Variants in POT1 observed in about 807,000 individuals in gnomAD.
The protein encoded by POT1 is protection of telomeres protein 1.
POT1 carries 47 observed loss-of-function variants against 78.5 expected under a neutral mutation model. That is an observed-to-expected ratio of 0.60 (90% CI 0.47 to 0.76). The LOEUF (loss-of-function observed/expected upper bound fraction) is 0.76. Ranked by LOEUF, POT1 falls within the 30% of genes least tolerant of loss-of-function variation. The pLI is 0.00. For synonymous variants in POT1, 259 were observed against 260.7 expected (o/e 0.99, Z 0.06); for missense variants, 646 against 749.9 (o/e 0.86, Z 1.62).
chr7:124,890,041 C>T (rs6956499), intron 6 of POT1, among the ~76,000 whole-genome samples: 1 of 151,734 alleles, frequency 6.6e-6, no homozygotes, highest in East Asian at 1.9e-4. Context: ...TGATGGACTG[C>T]GGCAAAGTAA....
At chr7:124,918,865 C>G (rs1797079810) in intron 2 of POT1, among the ~76,000 whole-genome samples, 1 of 152,248 alleles carries the variant, frequency 6.6e-6, no homozygotes, top group Non-Finnish European at 1.5e-5. Flanking sequence ...CAGCCTTCCT[C>G]TCTGAGAGTA....
intron 12 of POT1, among the ~76,000 whole-genome samples, chr7:124,844,980 TTATC>T (rs1406486031): frequency 6.6e-6 from 1 of 152,166 alleles, no homozygotes; most frequent in Non-Finnish European, 1.5e-5. Flanking sequence ...GTGCCTGTCT[TTATC>T]TGTCTCTCAC....
intron 6 of POT1, among the ~76,000 whole-genome samples, chr7:124,884,954 ATG>A (rs1455859921): frequency 3.3e-5 from 5 of 150,266 alleles, no homozygotes; most frequent in Admixed American, 2.0e-4. Context: ...ATTCCCTTAT[ATG>A]TGTTATCTAG....
intron 14 of POT1, among the ~76,000 whole-genome samples, chr7:124,835,697 G>A (rs1164749881): frequency 6.6e-6 from 1 of 151,950 alleles, no homozygotes; most frequent in African/African-American, 2.4e-5. Context: ...GAACACTTTG[G>A]TTCAAATAAC....
At chr7:124,828,718 AAGAAT>A (rs1233177144) in intron 16 of POT1, among the ~76,000 whole-genome samples, 4 of 152,184 alleles carry the variant, frequency 2.6e-5, no homozygotes, top group Non-Finnish European at 5.9e-5. Context: ...AAATTACATT[AAGAAT>A]AGAATGAGAA....
intron 6 of POT1, among the ~76,000 whole-genome samples, chr7:124,877,971 A>G (rs953828803): frequency 3.3e-5 from 5 of 151,922 alleles, no homozygotes; most frequent in African/African-American, 4.8e-5. Context: ...CATGGAATCT[A>G]AAAAAGTCAA....
intron 3 of POT1, among the ~76,000 whole-genome samples, chr7:124,909,992 C>T (rs1796853684): frequency 6.6e-6 from 1 of 151,618 alleles, no homozygotes; most frequent in South Asian, 2.1e-4. Context: ...AATAAAGCAA[C>T]CTTGCAAAAA....
At chr7:124,907,285 G>T (rs1223519819) in intron 3 of POT1, among the ~76,000 whole-genome samples, 1 of 152,068 alleles carries the variant, frequency 6.6e-6, no homozygotes, top group Non-Finnish European at 1.5e-5. Context: ...CAAAGAGTGA[G>T]CTCCCTTGTC....
At chr7:124,848,358 A>G (rs576648421) in intron 11 of POT1, among the ~76,000 whole-genome samples, 1 of 152,318 alleles carries the variant, frequency 6.6e-6, no homozygotes, top group Admixed American at 6.5e-5. Context: ...TAAAAAATAT[A>G]AATTAATGAA....
intron 14 of POT1, among the ~76,000 whole-genome samples, chr7:124,837,815 T>G (rs982136232): frequency 2.8e-4 from 43 of 152,214 alleles, no homozygotes; most frequent in Middle Eastern, 6.8e-3. Context: ...CAGAAAGTAT[T>G]TAAAAATTGA....
At chr7:124,832,005 A>AT (rs1249097030) in intron 15 of POT1, among the ~76,000 whole-genome samples, 2 of 125,532 alleles carry the variant, frequency 1.6e-5, no homozygotes, top group Non-Finnish European at 3.5e-5. Context: ...AAAATAAAAA[A>AT]AAAAAAAAAA....
At chr7:124,861,012 G>A (rs1795582163) in intron 8 of POT1, among the ~76,000 whole-genome samples, 1 of 152,134 alleles carries the variant, frequency 6.6e-6, no homozygotes, top group African/African-American at 2.4e-5. Context: ...ACCATTCGTG[G>A]GCATTTGGGT....
intron 3 of POT1, among the ~76,000 whole-genome samples, chr7:124,904,092 G>A (rs1584516455): frequency 6.6e-6 from 1 of 152,360 alleles, no homozygotes; most frequent in Non-Finnish European, 1.5e-5. Flanking sequence ...GAGGTACAAA[G>A]AGGAGCTGGT....
intron 14 of POT1, among the ~76,000 whole-genome samples, chr7:124,837,380 G>A (rs1008186148): frequency 6.6e-6 from 1 of 151,996 alleles, no homozygotes; most frequent in Non-Finnish European, 1.5e-5. Context: ...AATACAAAAT[G>A]TTTCAGAGGA....
intron 11 of POT1, among the ~76,000 whole-genome samples, chr7:124,851,528 G>T (rs921655982): frequency 1.4e-4 from 21 of 152,152 alleles, no homozygotes; most frequent in African/African-American, 5.1e-4. Context: ...AAGTATTTGG[G>T]TTATGCGAAA....
At chr7:124,899,478 T>C (rs567800112) in intron 3 of POT1, among the ~76,000 whole-genome samples, 3 of 152,278 alleles carry the variant, frequency 2.0e-5, no homozygotes, top group African/African-American at 7.2e-5. Context: ...CTGAAGATTT[T>C]ATATTTCTCC....
chr7:124,864,340 T>C (rs975245436), intron 7 of POT1, among the ~76,000 whole-genome samples: 2 of 152,156 alleles, frequency 1.3e-5, no homozygotes, highest in Admixed American at 6.6e-5. Flanking sequence ...TTCTCATAGG[T>C]AGCATATATT....
At chr7:124,884,218 A>T (rs1203552352) in intron 6 of POT1, among the ~76,000 whole-genome samples, 2 of 152,100 alleles carry the variant, frequency 1.3e-5, no homozygotes, top group Admixed American at 1.3e-4. Flanking sequence ...GTTAGCTGGG[A>T]TGTTTTTATA....
rs1795644961 is a variant in POT1 at position 124,863,346 on chromosome 7, G to T, written c.546+4C>A. On this transcript the variant is annotated splice_donor_region_variant and intron_variant, in intron 8 of 18. Coordinates refer to ENST00000357628, the MANE Select transcript of POT1 (RefSeq NM_015450.3). ...TATAATTCCCAGTATTAAAAAATAT[G>T]TACCTTTAGAAGAAATGATGCTCCG... 1 of 1,606,616 alleles carries T rather than the reference G, an allele frequency of 6.2e-7. No homozygotes were observed. Among genetic ancestry groups the T allele is most frequent in the Non-Finnish European group, 8.5e-7 (1 of 1,176,934 alleles).
Sources: allele counts gnomAD v4.1 joint callset (sites outside exome capture counted in the v4.1 genomes callset), GRCh38; gene constraint gnomAD v4.1.1; transcripts MANE v1.5; gene names NCBI Gene and HGNC (gene_info 2026-07-23, HGNC 2026-07-21).